The following MTX1 variants were observed in gnomAD, a reference collection of about 807,000 sequenced individuals.
MTX1 encodes metaxin-1.
Under a neutral mutation model 39.4 loss-of-function variants are expected in MTX1, and 20 were observed. That is an observed-to-expected ratio of 0.51 (90% confidence interval 0.36 to 0.74). The LOEUF (loss-of-function observed/expected upper bound fraction) is 0.74, where lower values mean the gene tolerates loss of function less well. Ranked by LOEUF, MTX1 falls within the 30% of genes least tolerant of loss-of-function variation. The probability of loss-of-function intolerance (pLI) is 0.00; values close to 1 mark genes in which losing one functional copy is unlikely to be tolerated. For synonymous variants in MTX1, 209 were observed against 198.6 expected, an observed-to-expected ratio of 1.05 and a Z score of -0.44; for missense variants, 481 against 485.9, an observed-to-expected ratio of 0.99 and a Z score of 0.10.
chr1:155,212,626 T>G, intron 5 of MTX1, 59 bp downstream of exon 5: 1 of 1,609,606 alleles, frequency 6.2e-7, no homozygotes. Context: ...TGGCCAGGAA[T>G]GGGAGTGCTT....
chr1:155,208,781 C>T lies in MTX1; in HGVS notation c.-24C>T. On this transcript the variant is annotated 5_prime_UTR_variant, in exon 1 of 8. Coordinates refer to ENST00000368376, the MANE Select transcript of MTX1 (RefSeq NM_002455.5). ...GCGACAGGCGGCGCAGGGCCCGCTC[C>T]AAACATAACGCGCTGTGGAAAACAT... is the stretch of plus-strand genomic sequence containing the variant. 6.7e-7 allele frequency: 1 copy of T among 1,491,180 alleles called. No homozygotes were observed. Among genetic ancestry groups the T allele is most frequent in the Non-Finnish European group, 8.9e-7 (1 of 1,118,070 alleles). The allele number at this position is 1,491,180 out of a possible 1,614,324, so 92.4% of individuals were successfully genotyped here.
At chr1:155,212,348 T>C in intron 4 of MTX1, 37 bp from the exon 5 acceptor site, 2 of 1,612,480 alleles carry the variant, frequency 1.2e-6, no homozygotes, top group Non-Finnish European at 1.7e-6. Context: ...GTGCACTGGC[T>C]CAGACCTACC....
chr1:155,208,733 A>G lies in MTX1; in HGVS notation c.-72A>G. 1.6e-6 allele frequency: 1 copy of G among 633,136 alleles called. No individual in the cohort carries two copies. The highest frequency in any genetic ancestry group is 2.2e-6 in the Non-Finnish European group (1 of 456,934). 39.2% of individuals were successfully genotyped at this position (633,136 alleles called of 1,614,324 possible). On this transcript the variant is annotated 5_prime_UTR_variant, in exon 1 of 8. Transcript: ENST00000368376. Reference sequence around the variant, plus strand: ...CCCGGCCTCCGCTCCGGCCGCCGCCACCGCCCCTGTTTTGTTTCCATGGCG... The same window carrying G: ...CCCGGCCTCCGCTCCGGCCGCCGCCGCCGCCCCTGTTTTGTTTCCATGGCG...
In MTX1 at chr1:155,209,174, G is replaced by A; in HGVS notation, c.370G>A (p.Ala124Thr). Residue 124 changes from alanine (A) to threonine (T), a missense_variant, in exon 1 of 8, where the codon GCG becomes ACG. By Grantham distance (58) the Ala-to-Thr change is moderately conservative (BLOSUM62 0). Around this residue, in one of 2 missense-constraint regions of MTX1, gnomAD observed 368 missense variants for 332.8 expected, o/e 1.11. Coordinates refer to ENST00000368376, the MANE Select transcript of MTX1 (RefSeq NM_002455.5). ...PGPLTATIGG[A>T]VAGGGPRQGR... ...CCCCCTGACCGCAACGATCGGAGGGGCGGTGGCGGGGGGCGGGCCCAGGCA... is the reference window on the plus strand; with the variant it reads ...CCCCCTGACCGCAACGATCGGAGGGACGGTGGCGGGGGGCGGGCCCAGGCA... 6.7e-7 allele frequency: 1 copy of A among 1,487,610 alleles called. No homozygotes were observed. Among genetic ancestry groups the A allele is most frequent in the Non-Finnish European group, 9.0e-7 (1 of 1,116,934 alleles). The allele number at this position is 1,487,610 out of a possible 1,614,324, so 92.2% of individuals were successfully genotyped here.
chr1:155,211,253 AT>A (rs1384141364), intron 3 of MTX1: 2 of 153,086 alleles, frequency 1.3e-5, no homozygotes, highest in Non-Finnish European at 2.9e-5. Context: ...GACCTGGGGA[AT>A]TAATTGAGAG....
At chr1:155,211,872 G>A (rs769551202) in intron 3 of MTX1, 137 of 344,960 alleles carry the variant, frequency 4.0e-4, no homozygotes, top group Non-Finnish European at 6.1e-4. Context: ...CCTAGTTTGC[G>A]GCGGAGCCTT....
At chr1:155,211,062 C>G (rs1306504034) in intron 3 of MTX1, 3 of 200,090 alleles carry the variant, frequency 1.5e-5, no homozygotes, top group African/African-American at 7.1e-5. Context: ...CTGCCATTGA[C>G]TATGTGATCT....
rs753319869 is a variant in MTX1 at position 155,210,533 on chromosome 1, C to T, written c.599-15C>T. On this transcript the variant is annotated splice_polypyrimidine_tract_variant and intron_variant, in intron 2 of 7. Transcript: ENST00000368376. ...AGCTAAGGGTCTGGTTGGTATACTTCCCTCTCAATATCAGGAACTCTGCCT... is the reference window on the plus strand; with the variant it reads ...AGCTAAGGGTCTGGTTGGTATACTTTCCTCTCAATATCAGGAACTCTGCCT... The T allele has an allele frequency of 1.2e-6, 2 of 1,613,616 alleles. No individual in the cohort carries two copies. Among genetic ancestry groups the T allele is most frequent in the East Asian group, 2.2e-5 (1 of 44,896 alleles).
rs935695653 is a variant in MTX1 at position 155,210,365 on chromosome 1, G to A, written c.548G>A (p.Gly183Asp). The change falls in exon 2 of 8, where the codon GGT (glycine) becomes GAT (aspartate). Residue 183 changes from glycine to aspartate, a missense_variant. Coordinates refer to ENST00000368376, the MANE Select transcript of MTX1 (RefSeq NM_002455.5). ...LAVLTYARFT[G>D]APLKVHKISN... is the part of the protein sequence containing the mutation. ...CTGCAGACCTATGCCAGATTTACTG[G>A]TGCTCCACTGAAGGTACACAAGATC... 7 of 1,614,068 alleles carry A rather than the reference G, an allele frequency of 4.3e-6. No individual in the cohort carries two copies. The highest frequency in any genetic ancestry group is 5.1e-6 in the Non-Finnish European group (6 of 1,180,028).
rs781528032 is a variant in MTX1 at position 155,212,413 on chromosome 1, A to C, written c.800A>C (p.Asn267Thr). The C allele has an allele frequency of 1.9e-6, 3 of 1,614,082 alleles. No homozygotes were observed. The South Asian group carries it at 3.3e-5, about 18-fold the overall frequency. ...CATACTTTTTGGATAGACACCAAGA[A>C]CTACGTGGAAGTGACCCGGAAGTGG... ...LVHTFWIDTK[N>T]YVEVTRKWYA... is the part of the protein sequence containing the mutation. The change falls in exon 5 of 8, where the codon AAC becomes ACC. Residue 267 changes from asparagine to threonine, a missense_variant. Asn to Thr is a moderately conservative substitution (Grantham distance 65). Transcript: ENST00000368376.
At chr1:155,212,098 T>C (rs528699443) in intron 3 of MTX1, 29 bp from the exon 4 acceptor site, 619 of 1,573,592 alleles carry the variant, frequency 3.9e-4, no homozygotes, top group African/African-American at 1.8e-3. Flanking sequence ...AGCTCCCTAG[T>C]GTCCACGCCA....
chr1:155,210,538 T>C lies in MTX1; in HGVS notation c.599-10T>C. The C allele has an allele frequency of 6.2e-7, 1 of 1,614,014 alleles. No homozygotes were observed. The highest frequency in any genetic ancestry group is 8.5e-7 in the Non-Finnish European group (1 of 1,179,890). ...AGGGTCTGGTTGGTATACTTCCCTCTCAATATCAGGAACTCTGCCTGCCCT... is the reference window on the plus strand; with the variant it reads ...AGGGTCTGGTTGGTATACTTCCCTCCCAATATCAGGAACTCTGCCTGCCCT... On this transcript the variant is annotated splice_polypyrimidine_tract_variant and intron_variant, in intron 2 of 7. Coordinates refer to ENST00000368376, the MANE Select transcript of MTX1 (RefSeq NM_002455.5).
At chr1:155,212,659 C>T in intron 5 of MTX1, 35 bp from the exon 6 acceptor site, 5 of 1,612,790 alleles carry the variant, frequency 3.1e-6, no homozygotes, top group South Asian at 1.1e-5. Flanking sequence ...GGCACTGTTC[C>T]CACAGCTGCA....
At position 155,212,814 on chromosome 1, in the gene MTX1, T is replaced by C. The variant is rs370668912; in HGVS notation, c.1031+44T>C. Reference sequence around the variant, plus strand: ...GGGTAATGGGTGGCTTGGAAGAAGATACAGGTTCAGATGGAGCAGCTGGAG... The same window carrying C: ...GGGTAATGGGTGGCTTGGAAGAAGACACAGGTTCAGATGGAGCAGCTGGAG... On this transcript the variant is annotated intron_variant, in intron 6 of 7. Coordinates refer to ENST00000368376, the MANE Select transcript of MTX1 (RefSeq NM_002455.5). 1.3e-3 allele frequency: 1,891 copies of C among 1,507,628 alleles called. 19 individuals carry two copies. In the African/African-American group the frequency reaches 0.024, roughly 19 times the overall value. The allele number at this position is 1,507,628 out of a possible 1,614,324, so 93.4% of individuals were successfully genotyped here. A position where few individuals can be genotyped will look rare whatever the true frequency, so the allele number is the denominator to read the frequency against.
At chr1:155,212,671 G>A (rs780501583) in intron 5 of MTX1, 23 bp from the exon 6 acceptor site, 1 of 1,612,510 alleles carries the variant, frequency 6.2e-7, no homozygotes, top group South Asian at 1.1e-5. Flanking sequence ...ACAGCTGCAA[G>A]CCTACCTGTG....
Position 155,213,346 on chromosome 1 carries a change from G to A in MTX1, c.1141G>A (p.Ala381Thr). The A allele has an allele frequency of 2.2e-6, 1 of 451,506 alleles. No homozygotes were observed. The highest frequency in any genetic ancestry group is 3.8e-6 in the Non-Finnish European group (1 of 266,338). 28.0% of individuals were successfully genotyped at this position (451,506 alleles called of 1,614,324 possible). A position where few individuals can be genotyped will look rare whatever the true frequency, so the allele number is the denominator to read the frequency against. The change falls in exon 7 of 8, where the codon GCC (alanine) becomes ACC (threonine). Residue 381 changes from alanine to threonine, a missense_variant. By Grantham distance (58) the Ala-to-Thr change is moderately conservative. Around this residue, in one of 2 missense-constraint regions of MTX1, gnomAD observed 113 missense variants for 153.2 expected, o/e 0.74. Coordinates refer to ENST00000368376, the MANE Select transcript of MTX1 (RefSeq NM_002455.5). Reference sequence around the variant, plus strand: ...CCTGCGTGGGCTGCACAACCTCTGTGCCTATTGTACCCACATTCTCAGTCT... The same window carrying A: ...CCTGCGTGGGCTGCACAACCTCTGTACCTATTGTACCCACATTCTCAGTCT... ...VHLRGLHNLC[A>T]YCTHILSLYF...
chr1:155,212,386 T>C lies in MTX1; in HGVS notation c.773T>C (p.Val258Ala). The stretch of plus-strand genomic sequence containing the variant: ...TTTCTTCCTGCCCACCCAATCCAGG[T>C]ACATACTTTTTGGATAGACACCAAG... The part of the protein sequence containing the change: ...LLEEKLLPVL[V>A]HTFWIDTKNY... Residue 258 changes from valine (V) to alanine (A), a missense_variant and splice_region_variant, in exon 5 of 8, where the codon GTA (valine) becomes GCA (alanine). By Grantham distance (64) the Val-to-Ala change is moderately conservative. Coordinates refer to ENST00000368376, the MANE Select transcript of MTX1 (RefSeq NM_002455.5). 6.2e-7 allele frequency: 1 copy of C among 1,614,184 alleles called. No homozygotes were observed.
chr1:155,213,245 C>T lies in MTX1; in HGVS notation c.1040C>T (p.Ser347Phe), dbSNP rs1671190036. 3.7e-6 allele frequency: 2 copies of T among 533,796 alleles called. No homozygotes were observed. The highest frequency in any genetic ancestry group is 3.3e-6 in the Non-Finnish European group (1 of 306,048). The allele number at this position is 533,796 out of a possible 1,614,324, so 33.1% of individuals were successfully genotyped here. A position where few individuals can be genotyped will look rare whatever the true frequency, so the allele number is the denominator to read the frequency against. Residue 347 changes from serine to phenylalanine, a missense_variant, in exon 7 of 8, where the codon TCC (serine) becomes TTC (phenylalanine). Around this residue, in one of 2 missense-constraint regions of MTX1, gnomAD observed 113 missense variants for 153.2 expected, o/e 0.74. Coordinates refer to ENST00000368376, the MANE Select transcript of MTX1 (RefSeq NM_002455.5). ...QKFFFGDAPA[S>F]LDAFVFSYLA... ...TTCTCTCTCTGCTCCAGCCCTGCCT[C>T]CTTGGACGCCTTCGTCTTCAGCTAC... is the stretch of plus-strand genomic sequence containing the variant.
rs1284414275 is a variant in MTX1, at chr1:155,212,159, G to A, written c.711G>A (p.Arg237=). ...KYNADYDLSA[R]QGADTLAFMS... is the part of the protein sequence containing the mutation. ...ATGCTGATTATGATCTGTCAGCTCGGCAAGGGGCAGACACCCTGGCCTTCA... is the reference window on the plus strand; with the variant it reads ...ATGCTGATTATGATCTGTCAGCTCGACAAGGGGCAGACACCCTGGCCTTCA... Residue 237 remains arginine, a synonymous_variant, in exon 4 of 8, where the codon CGG becomes CGA. Coordinates refer to ENST00000368376, the MANE Select transcript of MTX1 (RefSeq NM_002455.5). The A allele has an allele frequency of 5.0e-6, 8 of 1,611,968 alleles. No individual in the cohort carries two copies. The highest frequency in any genetic ancestry group is 6.8e-6 in the Non-Finnish European group (8 of 1,178,906).
Sources: gnomAD v4.1 joint callset for allele counts on GRCh38, gnomAD v4.1.1 for gene constraint, gnomAD v4.1.1 regional missense constraint, MANE v1.5 for transcripts, NCBI Gene and HGNC (gene_info 2026-07-23, HGNC 2026-07-21) for gene names.